Variants in KIAA1217 observed in about 807,000 individuals in gnomAD.
KIAA1217 encodes KIAA1217.
Under a neutral mutation model 163.9 loss-of-function variants are expected in KIAA1217, and 88 were observed. That is an observed-to-expected ratio of 0.54 (90% CI 0.45 to 0.64). The LOEUF (loss-of-function observed/expected upper bound fraction) is 0.64, where lower values mean the gene tolerates loss of function less well. Ranked by LOEUF, KIAA1217 falls within the 30% of genes least tolerant of loss-of-function variation. The pLI is 0.00. For synonymous variants in KIAA1217, 903 were observed against 923.1 expected, an observed-to-expected ratio of 0.98 and a Z score of 0.39; for missense variants, 2,372 against 2,475.0, an observed-to-expected ratio of 0.96 and a Z score of 0.88.
chr10:23,984,068 T>C (rs181684201), intron 1 of KIAA1217, among the ~76,000 whole-genome samples: 2 of 152,346 alleles, frequency 1.3e-5, no homozygotes, highest in Admixed American at 6.5e-5. Context: ...CAAAATCCAC[T>C]GGACAAAGGT....
chr10:24,494,987 CT>C, intron 7 of KIAA1217, 159 bp from the exon 8 acceptor site: 3 of 637,536 alleles, frequency 4.7e-6, no homozygotes, highest in Non-Finnish European at 8.0e-6. Context: ...CCTGGGAAGC[CT>C]TTTCCATCCT....
At chr10:24,527,882 G>A (rs565242053) in intron 13 of KIAA1217, 54 bp from the exon 14 acceptor site, 215 of 1,432,928 alleles carry the variant, frequency 1.5e-4, no homozygotes, top group Admixed American at 5.2e-4. Context: ...CCCAGTGTCC[G>A]TTGTTCTCCT....
chr10:24,524,135 A>G (rs970207251), intron 12 of KIAA1217, among the ~76,000 whole-genome samples, 188 bp from the exon 13 acceptor site: 2 of 152,182 alleles, frequency 1.3e-5, no homozygotes. Context: ...CCAAACAATG[A>G]TGGAGTTGCA....
At chr10:24,193,073 T>C (rs1323784960) in intron 2 of KIAA1217, among the ~76,000 whole-genome samples, 1 of 152,168 alleles carries the variant, frequency 6.6e-6, no homozygotes. Flanking sequence ...TGTGCCACCA[T>C]GCCCAGTTAA....
At chr10:24,167,348 C>T (rs16924361) in intron 2 of KIAA1217, among the ~76,000 whole-genome samples, 2,653 of 151,412 alleles carry the variant, frequency 0.018, 27 homozygotes, top group Middle Eastern at 0.058. Flanking sequence ...ATGAAGCAAA[C>T]CAATGCCCTA....
chr10:23,778,550 G>A (rs1487358976), intron 1 of KIAA1217, among the ~76,000 whole-genome samples: 1 of 152,200 alleles, frequency 6.6e-6, no homozygotes, highest in African/African-American at 2.4e-5. Flanking sequence ...GAATCTGGAG[G>A]CAGGGTAACT....
intron 1 of KIAA1217, among the ~76,000 whole-genome samples, chr10:23,972,859 A>G (rs150330799): frequency 0.01 from 1,560 of 152,294 alleles, 13 homozygotes; most frequent in African/African-American, 0.024. Context: ...ACACAGGAAC[A>G]GAAAACCAAG....
At chr10:24,397,759 G>A (rs1483230155) in intron 3 of KIAA1217, among the ~76,000 whole-genome samples, 5 of 152,172 alleles carry the variant, frequency 3.3e-5, no homozygotes, top group South Asian at 2.1e-4. Flanking sequence ...CAGCAATGAA[G>A]CTGGAGCCAC....
intron 1 of KIAA1217, among the ~76,000 whole-genome samples, chr10:23,895,712 G>A (rs898470401): frequency 1.2e-4 from 18 of 151,826 alleles, no homozygotes; most frequent in Admixed American, 5.3e-4. Context: ...TTGCGGCACT[G>A]TTCACAATAG....
intron 1 of KIAA1217, among the ~76,000 whole-genome samples, chr10:23,831,271 C>A (rs1456174612): frequency 2.7e-5 from 4 of 150,094 alleles, no homozygotes; most frequent in Non-Finnish European, 5.9e-5. Context: ...CTACATGAAA[C>A]TGAAAAGCTT....
At chr10:23,965,455 C>G (rs7895267) in intron 1 of KIAA1217, among the ~76,000 whole-genome samples, 1 of 152,316 alleles carries the variant, frequency 6.6e-6, no homozygotes. Flanking sequence ...ACTTTGGATG[C>G]CTTTTTGTTT....
intron 3 of KIAA1217, among the ~76,000 whole-genome samples, chr10:24,392,326 T>G (rs1392361026): frequency 6.6e-6 from 1 of 152,214 alleles, no homozygotes; most frequent in Non-Finnish European, 1.5e-5. Flanking sequence ...ACTAAGCAGT[T>G]ATATATCACA....
At chr10:23,696,427 A>G (rs1269662487) in intron 1 of KIAA1217, among the ~76,000 whole-genome samples, 1 of 152,222 alleles carries the variant, frequency 6.6e-6, no homozygotes, top group Non-Finnish European at 1.5e-5. Flanking sequence ...TTCTGATACC[A>G]AGTCTACACT....
At chr10:24,013,311 G>C (rs765497491) in intron 2 of KIAA1217, among the ~76,000 whole-genome samples, 34 of 151,872 alleles carry the variant, frequency 2.2e-4, no homozygotes, top group Non-Finnish European at 1.0e-4. Flanking sequence ...ATGATTCAAT[G>C]TTAATAAATC....
chr10:23,722,054 C>T (rs932472279), intron 1 of KIAA1217, among the ~76,000 whole-genome samples: 3 of 152,050 alleles, frequency 2.0e-5, no homozygotes, highest in Non-Finnish European at 4.4e-5. Context: ...ATGAATGAAC[C>T]TCGAAAAACT....
intron 2 of KIAA1217, among the ~76,000 whole-genome samples, chr10:24,065,146 G>A (rs1165956638): frequency 1.3e-5 from 2 of 151,962 alleles, no homozygotes; most frequent in Admixed American, 6.6e-5. Flanking sequence ...ATTTCCTTCA[G>A]TTCCGCTCTG....
intron 1 of KIAA1217, among the ~76,000 whole-genome samples, chr10:23,993,029 CTTTTT>C (rs1188657000): frequency 2.5e-5 from 3 of 118,628 alleles, no homozygotes; most frequent in Non-Finnish European, 5.1e-5. Context: ...TGATAGCTTC[CTTTTT>C]TTTTTTTTTT....
intron 2 of KIAA1217, among the ~76,000 whole-genome samples, chr10:24,052,452 A>C (rs955820991): frequency 6.6e-6 from 1 of 152,144 alleles, no homozygotes; most frequent in Non-Finnish European, 1.5e-5. Flanking sequence ...CTTTAGATCA[A>C]TGTCCCAGGG....
intron 1 of KIAA1217, among the ~76,000 whole-genome samples, chr10:23,891,311 C>T (rs983210791): frequency 2.0e-5 from 3 of 151,658 alleles, no homozygotes; most frequent in African/African-American, 7.3e-5. Flanking sequence ...TCTTTACTGT[C>T]TTCTTATTTT....
Sources: gnomAD v4.1 joint callset for allele counts (sites outside exome capture counted in the v4.1 genomes callset) on GRCh38, gnomAD v4.1.1 for gene constraint, MANE v1.5 for transcripts, NCBI Gene and HGNC (gene_info 2026-07-23, HGNC 2026-07-21) for gene names.